The following PDE10A variants were observed in gnomAD, a reference collection of about 807,000 sequenced individuals.
PDE10A encodes the protein cAMP and cAMP-inhibited cGMP 3',5'-cyclic phosphodiesterase 10A.
Under a neutral mutation model 97.7 loss-of-function variants are expected in PDE10A, and 39 were observed. The observed-to-expected ratio is 0.40, with a 90% CI of 0.31 to 0.52. PDE10A has a LOEUF of 0.52. PDE10A is among the 20% of genes least tolerant of loss of function. PDE10A has a pLI of 0.56. For synonymous variants in PDE10A, 371 were observed against 376.8 expected (o/e 0.98, Z 0.18); for missense variants, 731 against 1,047.8 (o/e 0.70, Z 4.17).
rs138252928 is a variant in PDE10A, at chr6:165,961,425, C to T, written c.-615+26104G>A. Among the ~76,000 whole-genome samples the T allele has an allele frequency of 7.9e-5, 12 of 152,282 alleles. No individual in the cohort carries two copies. In the East Asian group the frequency reaches 1.7e-3, roughly 22 times the overall value. On this transcript the variant is annotated intron_variant, in intron 1 of 19. Coordinates refer to the PDE10A transcript ENST00000366882. ...TGCGATCATGTGGAAATGCTAAGCCCGCCTTAGCGGGTTTCATTACCATGA... is the reference window on the plus strand; with the variant it reads ...TGCGATCATGTGGAAATGCTAAGCCTGCCTTAGCGGGTTTCATTACCATGA...
chr6:165,889,064 A>G (rs964562050), intron 1 of PDE10A, among the ~76,000 whole-genome samples: 25 of 152,258 alleles, frequency 1.6e-4, no homozygotes, highest in African/African-American at 6.0e-4. Context: ...ATTACCAAAG[A>G]GAATCCAAAG....
chr6:165,827,191 G>A (rs1290065221), intron 1 of PDE10A, among the ~76,000 whole-genome samples: 1 of 152,224 alleles, frequency 6.6e-6, no homozygotes, highest in Non-Finnish European at 1.5e-5. Flanking sequence ...GCCAAGCTCA[G>A]TCTGACCCAG....
chr6:165,837,033 A>G (rs961227683), intron 1 of PDE10A, among the ~76,000 whole-genome samples: 1 of 120,712 alleles, frequency 8.3e-6, no homozygotes, highest in African/African-American at 3.3e-5. Flanking sequence ...GGAACATCAC[A>G]CTCTGGGGAC....
intron 1 of PDE10A, among the ~76,000 whole-genome samples, chr6:165,586,692 C>T (rs1191292305): frequency 6.6e-6 from 1 of 152,138 alleles, no homozygotes; most frequent in Non-Finnish European, 1.5e-5. Flanking sequence ...CAAGTAACGT[C>T]TAGAAGCCAC....
At chr6:165,628,187 A>C (rs1166559359) in intron 1 of PDE10A, among the ~76,000 whole-genome samples, 1 of 152,188 alleles carries the variant, frequency 6.6e-6, no homozygotes, top group Admixed American at 6.5e-5. Flanking sequence ...ACTCAGGCCA[A>C]TCTACTTAAT....
In PDE10A at chr6:165,869,353, G is replaced by GA. The variant is rs71029569; in HGVS notation, c.-615+118175dup. ...CAGTCTCATTTATAATACTACAAAA[G>GA]AAAAAAAAAACTCTTCCTAGGAATA... On this transcript the variant is annotated intron_variant, in intron 1 of 19. Coordinates refer to the PDE10A transcript ENST00000366882. 6.8e-3 allele frequency among the ~76,000 whole-genome samples: 1,020 copies of GA among 150,014 alleles called. 12 individuals are homozygous for GA. Among genetic ancestry groups the GA allele is most frequent in the African/African-American group, 0.023 (925 of 41,016 alleles).
chr6:165,964,094 T>A (rs1186968138), intron 1 of PDE10A, among the ~76,000 whole-genome samples: 1 of 152,244 alleles, frequency 6.6e-6, no homozygotes, highest in African/African-American at 2.4e-5. Context: ...TCTCTTTTAT[T>A]GCCAAGAAAT....
At chr6:165,966,416 C>CCTA (rs1246368589) in intron 1 of PDE10A, among the ~76,000 whole-genome samples, 4 of 152,216 alleles carry the variant, frequency 2.6e-5, no homozygotes, top group African/African-American at 7.2e-5. Flanking sequence ...CTCGCTGTAG[C>CCTA]CTACTGCATG....
chr6:165,480,136 A>C (rs990153309), intron 3 of PDE10A, among the ~76,000 whole-genome samples: 7 of 152,174 alleles, frequency 4.6e-5, no homozygotes, highest in Admixed American at 1.3e-4. Context: ...GGCATATGGA[A>C]AATAAAGTTT....
chr6:165,723,381 T>C (rs1264062794), intron 1 of PDE10A, among the ~76,000 whole-genome samples: 2 of 152,200 alleles, frequency 1.3e-5, no homozygotes, highest in African/African-American at 2.4e-5. Context: ...TTGCCATAAA[T>C]ATAGAAAGAT....
At chr6:165,958,750 AAAG>A (rs1410877860) in intron 1 of PDE10A, among the ~76,000 whole-genome samples, 5 of 149,340 alleles carry the variant, frequency 3.3e-5, no homozygotes, top group Non-Finnish European at 7.4e-5. Flanking sequence ...AAAGAAAGAG[AAAG>A]AAAGAAAGAA....
chr6:165,735,743 C>A (rs1189445082), intron 1 of PDE10A, among the ~76,000 whole-genome samples: 1 of 152,180 alleles, frequency 6.6e-6, no homozygotes, highest in Admixed American at 6.5e-5. Context: ...ATCTGCCGTA[C>A]TCATTCTGTT....
intron 1 of PDE10A, among the ~76,000 whole-genome samples, chr6:165,696,578 G>A (rs1791449979): frequency 2.0e-5 from 3 of 152,116 alleles, no homozygotes; most frequent in African/African-American, 7.2e-5. Flanking sequence ...ACAAGAAATG[G>A]GGGACTACTC....
rs192908047 is a variant in PDE10A, at chr6:165,739,289, C to T, written c.-614-195721G>A. 1.1e-3 allele frequency among the ~76,000 whole-genome samples: 162 copies of T among 152,274 alleles called. 3 individuals are homozygous for T. Among genetic ancestry groups the T allele is most frequent in the Admixed American group, 4.4e-3 (67 of 15,300 alleles). ...AGTATGGTACTGGCATAAAAACAGG[C>T]ATATAAACCAATGGAACAGAGTAGA... On this transcript the variant is annotated intron_variant, in intron 1 of 19. Coordinates refer to the PDE10A transcript ENST00000366882.
At chr6:165,668,953 A>C (rs1006910283) in intron 1 of PDE10A, among the ~76,000 whole-genome samples, 1 of 152,210 alleles carries the variant, frequency 6.6e-6, no homozygotes, top group Non-Finnish European at 1.5e-5. Context: ...AGGAGAGAGA[A>C]AGTTTGATGC....
chr6:165,673,988 T>A (rs201644906), intron 1 of PDE10A, among the ~76,000 whole-genome samples: 4 of 151,852 alleles, frequency 2.6e-5, no homozygotes, highest in African/African-American at 4.8e-5. Context: ...TAAAATTTTT[T>A]AAAGTGTTTC....
intron 2 of PDE10A, among the ~76,000 whole-genome samples, chr6:165,490,819 G>C (rs1272804849): frequency 6.6e-6 from 1 of 152,114 alleles, no homozygotes; most frequent in Non-Finnish European, 1.5e-5. Context: ...GCTGAGTGTG[G>C]TGGCATATAC....
At chr6:165,713,979 T>C (rs1791965697) in intron 1 of PDE10A, among the ~76,000 whole-genome samples, 1 of 152,224 alleles carries the variant, frequency 6.6e-6, no homozygotes, top group Non-Finnish European at 1.5e-5. Context: ...CCTGCCTTAC[T>C]GAGGTGTGGT....
chr6:165,719,174 G>A (rs990796859), intron 1 of PDE10A, among the ~76,000 whole-genome samples: 4 of 152,124 alleles, frequency 2.6e-5, no homozygotes, highest in Non-Finnish European at 5.9e-5. Context: ...AAAAGCAACT[G>A]AGGAAAAGAA....
Sources: gnomAD v4.1 joint callset for allele counts (sites outside exome capture counted in the v4.1 genomes callset) on GRCh38, gnomAD v4.1.1 for gene constraint, MANE v1.5 for transcripts, NCBI Gene and HGNC (gene_info 2026-07-23, HGNC 2026-07-21) for gene names.